The following NBAS variants were observed in gnomAD, a reference collection of about 807,000 sequenced individuals.
NBAS encodes NBAS subunit of NRZ tethering complex, also known as NAG/BC035112 fusion.
NBAS carries 219 observed loss-of-function variants against 302.5 expected under a neutral mutation model. That is an observed-to-expected ratio of 0.72 (90% CI 0.65 to 0.81). The LOEUF (loss-of-function observed/expected upper bound fraction) is 0.81. Among genes scored for constraint, NBAS ranks in the 30% least tolerant of loss-of-function variants. The pLI, the probability that NBAS is intolerant of heterozygous loss-of-function variation, is 0.00. For missense variants in NBAS, 2,932 were observed against 2,841.6 expected (o/e 1.03, Z -0.72); for synonymous variants, 1,118 against 1,021.6 (o/e 1.09, Z -1.80).
intron 23 of NBAS, among the ~76,000 whole-genome samples, chr2:15,418,048 A>G (rs956342675): frequency 7.9e-5 from 12 of 152,226 alleles, no homozygotes; most frequent in African/African-American, 2.9e-4. Flanking sequence ...AAGAGAAAAA[A>G]CACATACCTA....
At chr2:15,319,748 T>A (rs925357980) in intron 38 of NBAS, among the ~76,000 whole-genome samples, 4 of 152,078 alleles carry the variant, frequency 2.6e-5, no homozygotes, top group Admixed American at 1.3e-4. Context: ...ATTGAGGCAA[T>A]AATTAACAGC....
intron 35 of NBAS, among the ~76,000 whole-genome samples, chr2:15,335,999 GGTA>G (rs1367873846): frequency 6.6e-6 from 1 of 151,968 alleles, no homozygotes; most frequent in Non-Finnish European, 1.5e-5. Context: ...GGGAGGCTGA[GGTA>G]GTAGAATTGC....
chr2:15,152,663 C>T, the NBAS span, among the ~76,000 whole-genome samples: 2 of 152,198 alleles, frequency 1.3e-5, no homozygotes, highest in African/African-American at 4.8e-5. Context: ...GAGTGCTATG[C>T]TGTTCATGAA....
In NBAS at chr2:15,374,683, TG is replaced by T; in HGVS notation, c.3627del (p.Ile1210PhefsTer5). 6.2e-7 allele frequency: 1 copy of T among 1,613,952 alleles called. No individual in the cohort carries two copies. The highest frequency in any genetic ancestry group is 1.7e-5 in the Admixed American group (1 of 60,020). Reference protein sequence around the residue: ...CLQLITDRPPAIQEELDLIQA... With the variant: ...CLQLITDRPPXIQEELDLIQA... ...TGGATAAGATCTAGCTCCTCTTGAA[TG>T]GCAGGGGGTCTGTCTGTTATCAGTT... On this transcript the variant is annotated frameshift_variant, in exon 31 of 52. Coordinates refer to ENST00000281513, the MANE Select transcript of NBAS (RefSeq NM_015909.4). LOFTEE classifies it high-confidence loss of function.
the NBAS span, among the ~76,000 whole-genome samples, chr2:15,060,346 A>C: frequency 1.3e-5 from 2 of 152,072 alleles, no homozygotes; most frequent in Non-Finnish European, 2.9e-5. Flanking sequence ...ACCTGTGCAT[A>C]AGTGAAAGTG....
the NBAS span, among the ~76,000 whole-genome samples, chr2:14,894,975 G>A: frequency 6.6e-6 from 1 of 152,168 alleles, no homozygotes; most frequent in African/African-American, 2.4e-5. Context: ...AGAATCACTT[G>A]AATCCGGAAG....
At chr2:14,841,512 A>C in the NBAS span, among the ~76,000 whole-genome samples, 1 of 151,100 alleles carries the variant, frequency 6.6e-6, no homozygotes, top group Non-Finnish European at 1.5e-5. Flanking sequence ...AAAAAAAAAA[A>C]AAACAGGAAA....
chr2:15,199,344 T>C (rs1665772332), intron 48 of NBAS, among the ~76,000 whole-genome samples: 1 of 152,056 alleles, frequency 6.6e-6, no homozygotes, highest in African/African-American at 2.4e-5. Context: ...TTCGCCAAAA[T>C]ACTTGAAAAT....
In NBAS at chr2:15,501,008, AAAGAT is replaced by A. The variant is rs568174737; in HGVS notation, c.954+3132_954+3136del. On this transcript the variant is annotated intron_variant, in intron 11 of 51. Transcript: ENST00000281513. ...ATTCTTATTTTAACATACTCTTTTA[AAAGAT>A]AATACTGGCCAGGCATGGTGGCTCA... 7.2e-5 allele frequency among the ~76,000 whole-genome samples: 11 copies of A among 152,036 alleles called. 1 individual carries two copies. The South Asian group carries it at 1.5e-3, about 20-fold the overall frequency.
chr2:14,923,634 C>T, the NBAS span, among the ~76,000 whole-genome samples: 1 of 152,160 alleles, frequency 6.6e-6, no homozygotes, highest in Non-Finnish European at 1.5e-5. Flanking sequence ...GAAGACATTT[C>T]ACAACGTAGG....
chr2:15,280,521 AATTATTCCT>A (rs1669777796), intron 42 of NBAS, among the ~76,000 whole-genome samples: 1 of 152,190 alleles, frequency 6.6e-6, no homozygotes, highest in Non-Finnish European at 1.5e-5. Flanking sequence ...CAAAAGGTCT[AATTATTCCT>A]ATTATCTGAA....
At chr2:15,111,432 G>A in the NBAS span, among the ~76,000 whole-genome samples, 2 of 152,262 alleles carry the variant, frequency 1.3e-5, no homozygotes, top group African/African-American at 4.8e-5. Context: ...GAGGGAGCAG[G>A]TGGAATCAGT....
chr2:15,200,853 T>G (rs1665842854), intron 48 of NBAS, among the ~76,000 whole-genome samples: 1 of 152,230 alleles, frequency 6.6e-6, no homozygotes, highest in Non-Finnish European at 1.5e-5. Flanking sequence ...CTATGGCTCC[T>G]GGAAGTGAAC....
At chr2:15,351,904 A>ACACAC in intron 35 of NBAS, 88 bp downstream of exon 35, 1 of 903,540 alleles carries the variant, frequency 1.1e-6, no homozygotes, top group African/African-American at 1.7e-5. Context: ...ACACACACAC[A>ACACAC]AAACCCCTCT....
chr2:15,399,750 A>G (rs1326753670), intron 26 of NBAS, among the ~76,000 whole-genome samples: 2 of 152,238 alleles, frequency 1.3e-5, no homozygotes, highest in Non-Finnish European at 2.9e-5. Context: ...GAACACCACA[A>G]TGAATTTACA....
chr2:15,469,997 A>T (rs1679890762), intron 16 of NBAS, among the ~76,000 whole-genome samples: 1 of 151,596 alleles, frequency 6.6e-6, no homozygotes, highest in Non-Finnish European at 1.5e-5. Context: ...AATAATTAAA[A>T]AATAAAAAAT....
intron 21 of NBAS, among the ~76,000 whole-genome samples, chr2:15,459,730 C>T (rs959187572): frequency 1.2e-4 from 19 of 152,084 alleles, no homozygotes; most frequent in South Asian, 2.1e-4. Context: ...CCACCCACCT[C>T]GGCCTCCCAA....
chr2:15,048,723 C>T, the NBAS span, among the ~76,000 whole-genome samples: 1 of 152,240 alleles, frequency 6.6e-6, no homozygotes, highest in Non-Finnish European at 1.5e-5. Context: ...TCCCCACAAG[C>T]AACTCCTTCA....
the NBAS span, among the ~76,000 whole-genome samples, chr2:15,107,353 G>GGGCTTCC: frequency 6.6e-6 from 1 of 152,080 alleles, no homozygotes. Flanking sequence ...CCTGGATCAT[G>GGGCTTCC]GGCTTCCAGC....
Sources: allele counts gnomAD v4.1 joint callset (sites outside exome capture counted in the v4.1 genomes callset), GRCh38; gene constraint gnomAD v4.1.1; transcripts MANE v1.5; gene names NCBI Gene and HGNC (gene_info 2026-07-23, HGNC 2026-07-21).